STK3: variants seen among roughly 807,000 people sequenced by gnomAD.
The protein encoded by STK3 is serine/threonine kinase 3.
In STK3, 41 loss-of-function variants were observed where a neutral mutation model predicts 58.0. That is an observed-to-expected ratio of 0.71 (90% confidence interval 0.55 to 0.92). The LOEUF (loss-of-function observed/expected upper bound fraction) is 0.92, where lower values mean the gene tolerates loss of function less well. STK3 is among the 40% of genes least tolerant of loss of function. The pLI is 0.00. For synonymous variants in STK3, 170 were observed against 191.0 expected, an observed-to-expected ratio of 0.89 and a Z score of 0.91; for missense variants, 479 against 602.7, an observed-to-expected ratio of 0.79 and a Z score of 2.15.
At chr8:98,887,947 G>A (rs1359719434) in intron 1 of STK3, among the ~76,000 whole-genome samples, 1 of 152,296 alleles carries the variant, frequency 6.6e-6, no homozygotes, top group Non-Finnish European at 1.5e-5. Context: ...CAGACAGTTG[G>A]AGACCCAAGT....
chr8:98,847,698 C>G (rs983798452), intron 3 of STK3, among the ~76,000 whole-genome samples: 2 of 151,870 alleles, frequency 1.3e-5, no homozygotes, highest in African/African-American at 4.9e-5. Flanking sequence ...ATCTTTTTCC[C>G]TCTTTTTTTA....
intron 1 of STK3, among the ~76,000 whole-genome samples, chr8:98,385,047 A>T (rs1385142154): frequency 6.6e-6 from 1 of 152,100 alleles, no homozygotes; most frequent in African/African-American, 2.4e-5. Context: ...AAGGCAGTCA[A>T]GTTCTTGGTT....
intron 10 of STK3, among the ~76,000 whole-genome samples, chr8:98,469,108 T>TA (rs71273132): frequency 0.32 from 46,928 of 145,752 alleles, 8,608 homozygotes; most frequent in Admixed American, 0.5. Flanking sequence ...ACTCCATCTT[T>TA]AAAAAAAAAA....
intron 8 of STK3, among the ~76,000 whole-genome samples, chr8:98,561,458 T>C (rs138113073): frequency 0.015 from 2,355 of 152,240 alleles, 40 homozygotes; most frequent in Middle Eastern, 0.048. Context: ...AGTGAATTTA[T>C]AGACACCAAA....
intron 3 of STK3, among the ~76,000 whole-genome samples, chr8:98,833,206 T>TG (rs1165135628): frequency 1.3e-5 from 2 of 152,080 alleles, no homozygotes; most frequent in Non-Finnish European, 2.9e-5. Context: ...TTCTCAAAGT[T>TG]GGGGGGTGCA....
At chr8:98,887,431 A>G (rs1335005837) in intron 1 of STK3, among the ~76,000 whole-genome samples, 1 of 152,204 alleles carries the variant, frequency 6.6e-6, no homozygotes, top group Non-Finnish European at 1.5e-5. Context: ...GGTCCTAAGC[A>G]TTTTGGATAA....
At chr8:98,583,336 C>A (rs1453735655) in intron 7 of STK3, among the ~76,000 whole-genome samples, 1 of 152,134 alleles carries the variant, frequency 6.6e-6, no homozygotes, top group African/African-American at 2.4e-5. Flanking sequence ...TTCTCGGCCT[C>A]CCCTAGACAA....
chr8:98,833,897 G>A (rs1240990844), intron 3 of STK3, among the ~76,000 whole-genome samples: 1 of 152,126 alleles, frequency 6.6e-6, no homozygotes, highest in Non-Finnish European at 1.5e-5. Flanking sequence ...TTCACCCCAT[G>A]GAGGTGGGTT....
intron 6 of STK3, among the ~76,000 whole-genome samples, chr8:98,611,255 A>G (rs1440434669): frequency 6.6e-6 from 1 of 152,208 alleles, no homozygotes; most frequent in Non-Finnish European, 1.5e-5. Flanking sequence ...AAGTCAATGT[A>G]AATTAGGATT....
chr8:98,770,259 T>C (rs1236428140), intron 2 of STK3, among the ~76,000 whole-genome samples: 2 of 152,116 alleles, frequency 1.3e-5, no homozygotes, highest in East Asian at 3.8e-4. Context: ...CACTTATTGC[T>C]TCCAGACCCA....
At chr8:98,404,251 C>T (rs547315252) in intron 3 of STK3, among the ~76,000 whole-genome samples, 1 of 152,102 alleles carries the variant, frequency 6.6e-6, no homozygotes, top group Non-Finnish European at 1.5e-5. Flanking sequence ...AAAAGTTGAC[C>T]GTGGGGCAGG....
At chr8:98,597,850 A>G in intron 6 of STK3, 6 of 985,218 alleles carry the variant, frequency 6.1e-6, no homozygotes, top group Non-Finnish European at 7.2e-6. Context: ...ATATGAAACG[A>G]ATAGCAAACA....
intron 1 of STK3, among the ~76,000 whole-genome samples, chr8:98,900,422 T>G (rs540267386): frequency 1.3e-5 from 2 of 152,108 alleles, no homozygotes; most frequent in South Asian, 4.2e-4. Context: ...GAAGTCTAAT[T>G]GAACATTACC....
intron 6 of STK3, among the ~76,000 whole-genome samples, chr8:98,668,681 T>C (rs1243031043): frequency 6.6e-6 from 1 of 152,158 alleles, no homozygotes; most frequent in Admixed American, 6.5e-5. Flanking sequence ...TTGAACAATA[T>C]AAAACTTCCT....
At chr8:98,848,298 A>C (rs1275446669) in intron 3 of STK3, among the ~76,000 whole-genome samples, 1 of 149,334 alleles carries the variant, frequency 6.7e-6, no homozygotes, top group Non-Finnish European at 1.5e-5. Context: ...CCCAGGCTGG[A>C]GTACAATGGT....
At chr8:98,732,380 G>A (rs1043074004) in intron 4 of STK3, among the ~76,000 whole-genome samples, 1 of 151,992 alleles carries the variant, frequency 6.6e-6, no homozygotes, top group Admixed American at 6.6e-5. Context: ...TCCAGAGGGG[G>A]AAAAAACCTA....
chr8:98,501,023 G>GC (rs1328121235), intron 10 of STK3, among the ~76,000 whole-genome samples: 1 of 152,208 alleles, frequency 6.6e-6, no homozygotes, highest in East Asian at 1.9e-4. Flanking sequence ...TACACTCCCA[G>GC]CAACAGTGTA....
intron 6 of STK3, among the ~76,000 whole-genome samples, chr8:98,659,441 C>A (rs1048622012): frequency 6.6e-6 from 1 of 151,714 alleles, no homozygotes; most frequent in Non-Finnish European, 1.5e-5. Flanking sequence ...GCTTTTAATT[C>A]TTATCATATT....
intron 1 of STK3, among the ~76,000 whole-genome samples, chr8:98,927,748 G>T (rs138236320): frequency 2.6e-5 from 4 of 152,184 alleles, no homozygotes. Context: ...CCCTGCTCTA[G>T]GATTGTAAAC....
Sources: gnomAD v4.1 joint callset for allele counts (sites outside exome capture counted in the v4.1 genomes callset) on GRCh38, gnomAD v4.1.1 for gene constraint, MANE v1.5 for transcripts, NCBI Gene and HGNC (gene_info 2026-07-23, HGNC 2026-07-21) for gene names.